Variants in ADAMTS16 observed in about 807,000 individuals in gnomAD.
ADAMTS16 encodes A disintegrin and metalloproteinase with thrombospondin motifs 16.
ADAMTS16 carries 94 observed loss-of-function variants against 145.8 expected under a neutral mutation model. The observed-to-expected ratio is 0.64, with a 90% confidence interval of 0.55 to 0.77. The LOEUF (loss-of-function observed/expected upper bound fraction) is 0.77. Among genes scored for constraint, ADAMTS16 ranks in the 30% least tolerant of loss-of-function variants. The pLI, the probability that ADAMTS16 is intolerant of heterozygous loss-of-function variation, is 0.00. For synonymous variants in ADAMTS16, 659 were observed against 604.3 expected (o/e 1.09, Z -1.33); for missense variants, 1,585 against 1,591.5 (o/e 1.00, Z 0.07).
At chr5:5,306,941 T>C (rs1329639098) in intron 21 of ADAMTS16, among the ~76,000 whole-genome samples, 1 of 152,198 alleles carries the variant, frequency 6.6e-6, no homozygotes, top group East Asian at 1.9e-4. Context: ...CTGAATCTTT[T>C]AGGGCACATA....
chr5:5,168,732 AAT>A (rs1308014426), intron 3 of ADAMTS16, among the ~76,000 whole-genome samples: 2 of 138,816 alleles, frequency 1.4e-5, no homozygotes, highest in African/African-American at 5.3e-5. Context: ...ATAATTATAT[AAT>A]TATATAAAAT....
chr5:5,180,980 A>T (rs1735324180), intron 3 of ADAMTS16, among the ~76,000 whole-genome samples: 1 of 152,232 alleles, frequency 6.6e-6, no homozygotes. Context: ...TCTAACTTTT[A>T]GTGGTTATAT....
At chr5:5,200,393 C>T (rs1735923955) in intron 9 of ADAMTS16, 124 bp downstream of exon 9, 3 of 1,279,430 alleles carry the variant, frequency 2.3e-6, no homozygotes, top group Non-Finnish European at 3.2e-6. Context: ...TTGAAGGTGT[C>T]TTGAGACATT....
intron 17 of ADAMTS16, among the ~76,000 whole-genome samples, chr5:5,250,459 T>C (rs1313576317): frequency 1.3e-5 from 2 of 152,192 alleles, no homozygotes; most frequent in African/African-American, 4.8e-5. Context: ...TGTTTCCCAA[T>C]AGTGCTGGAT....
At chr5:5,284,623 C>T (rs1033491895) in intron 18 of ADAMTS16, among the ~76,000 whole-genome samples, 13 of 152,134 alleles carry the variant, frequency 8.5e-5, no homozygotes, top group Non-Finnish European at 1.9e-4. Flanking sequence ...CATGCCAGCT[C>T]GTTAATAGAA....
chr5:5,191,423 C>A (rs1735660658), intron 7 of ADAMTS16, among the ~76,000 whole-genome samples: 1 of 151,966 alleles, frequency 6.6e-6, no homozygotes, highest in Non-Finnish European at 1.5e-5. Context: ...AGAGTCACGC[C>A]CCAATTAGAG....
chr5:5,303,762 C>T lies in ADAMTS16; in HGVS notation c.3182C>T (p.Ser1061Phe). ...CTGCAGTGGCTGGTGTCCGCCTGGTCCCAGGTAGGTGCACTGGTCTCGCGG... is the reference window on the plus strand; with the variant it reads ...CTGCAGTGGCTGGTGTCCGCCTGGTTCCAGGTAGGTGCACTGGTCTCGCGG... ...KKLQWLVSAW[S>F]QCSVTCERGT... The change falls in exon 20 of 23, where the codon TCC becomes TTC. Residue 1061 changes from serine to phenylalanine, a missense_variant. Ser to Phe is a radical substitution (Grantham distance 155). Transcript: ENST00000274181. 6.2e-7 allele frequency: 1 copy of T among 1,612,674 alleles called. No homozygotes were observed. The highest frequency in any genetic ancestry group is 8.5e-7 in the Non-Finnish European group (1 of 1,179,842).
chr5:5,289,498 G>A (rs775442502), intron 18 of ADAMTS16, among the ~76,000 whole-genome samples: 3 of 152,196 alleles, frequency 2.0e-5, no homozygotes, highest in Non-Finnish European at 2.9e-5. Context: ...TAATCTCCTA[G>A]TAATCCATGA....
chr5:5,238,633 G>A (rs1737185229), intron 14 of ADAMTS16, among the ~76,000 whole-genome samples: 1 of 152,166 alleles, frequency 6.6e-6, no homozygotes, highest in Non-Finnish European at 1.5e-5. Context: ...GTTAGAAAGT[G>A]TAATACAAAC....
At chr5:5,268,448 C>T (rs748538485) in intron 18 of ADAMTS16, among the ~76,000 whole-genome samples, 2 of 152,190 alleles carry the variant, frequency 1.3e-5, no homozygotes, top group Non-Finnish European at 2.9e-5. Flanking sequence ...GCGACTGCTA[C>T]TGCTGTGGTC....
intron 4 of ADAMTS16, among the ~76,000 whole-genome samples, chr5:5,184,132 CTGGAG>C (rs1735427658): frequency 6.6e-6 from 1 of 152,156 alleles, no homozygotes; most frequent in Admixed American, 6.5e-5. Flanking sequence ...CTGCTTCCTA[CTGGAG>C]CGTGCATCCT....
intron 3 of ADAMTS16, among the ~76,000 whole-genome samples, chr5:5,159,370 C>T (rs1734684840): frequency 6.6e-6 from 1 of 152,160 alleles, no homozygotes; most frequent in Non-Finnish European, 1.5e-5. Context: ...TGGGCTTCAG[C>T]TTTCTTAATT....
chr5:5,170,504 G>A (rs867271656), intron 3 of ADAMTS16, among the ~76,000 whole-genome samples: 18 of 151,690 alleles, frequency 1.2e-4, no homozygotes, highest in Middle Eastern at 3.4e-3. Flanking sequence ...TCAGCCCCCC[G>A]AGTAGCTGGG....
chr5:5,186,022 T>C (rs1735486216), intron 4 of ADAMTS16, 30 bp from the exon 5 acceptor site: 1 of 1,584,832 alleles, frequency 6.3e-7, no homozygotes, highest in East Asian at 2.2e-5. Context: ...GACTTGTGCT[T>C]CCATTTGCCC....
intron 8 of ADAMTS16, among the ~76,000 whole-genome samples, chr5:5,194,181 C>T (rs1051949076): frequency 6.6e-6 from 1 of 152,098 alleles, no homozygotes; most frequent in Non-Finnish European, 1.5e-5. Context: ...CAGAAAGTAT[C>T]AGATCTTTCT....
chr5:5,290,706 T>C lies in ADAMTS16; in HGVS notation c.2790-12562T>C, dbSNP rs537123356. ...GGCGCTAAAATTCTTGTTTCCATGC[T>C]GCAGTGGGCTTCAGCAGCTTCTCTT... On this transcript the variant is annotated intron_variant, in intron 18 of 22. Transcript: ENST00000274181. Among the ~76,000 whole-genome samples, 3 of 152,346 alleles carry C rather than the reference T, an allele frequency of 2.0e-5. No homozygotes were observed. The East Asian group carries it at 5.8e-4, about 29-fold the overall frequency.
At chr5:5,253,727 C>T (rs1737697404) in intron 17 of ADAMTS16, among the ~76,000 whole-genome samples, 1 of 152,154 alleles carries the variant, frequency 6.6e-6, no homozygotes, top group Non-Finnish European at 1.5e-5. Flanking sequence ...TTCTCCAATC[C>T]AGACCCCACC....
intron 17 of ADAMTS16, among the ~76,000 whole-genome samples, chr5:5,247,887 A>C (rs1363735827): frequency 6.6e-6 from 1 of 152,230 alleles, no homozygotes; most frequent in Non-Finnish European, 1.5e-5. Flanking sequence ...TTGGGATAAC[A>C]TGTGTCCACA....
chr5:5,315,461 A>C (rs78426044), intron 21 of ADAMTS16, among the ~76,000 whole-genome samples: 1 of 151,646 alleles, frequency 6.6e-6, no homozygotes, highest in East Asian at 1.9e-4. Context: ...AAAAAAAAAA[A>C]CCAATGGCTA....
Sources: allele counts gnomAD v4.1 joint callset (sites outside exome capture counted in the v4.1 genomes callset), GRCh38; gene constraint gnomAD v4.1.1; transcripts MANE v1.5; gene names NCBI Gene and HGNC (gene_info 2026-07-23, HGNC 2026-07-21).